The following CUL3 variants were observed in gnomAD, a reference collection of about 807,000 sequenced individuals.
CUL3 encodes cullin-3.
A neutral mutation model predicts 89.1 loss-of-function variants in CUL3; 19 were observed. The observed-to-expected ratio is 0.21, with a 90% CI of 0.15 to 0.31. CUL3 has a LOEUF of 0.31. Ranked by LOEUF, CUL3 falls within the 10% of genes least tolerant of loss-of-function variation. The probability of loss-of-function intolerance (pLI) is 1.00; values close to 1 mark genes in which losing one functional copy is unlikely to be tolerated. For synonymous variants in CUL3, 351 were observed against 308.4 expected (o/e 1.14, Z -1.45); for missense variants, 469 against 942.3 (o/e 0.50, Z 6.58).
At chr2:224,581,016 G>A (rs1310247964) in intron 1 of CUL3, among the ~76,000 whole-genome samples, 1 of 152,200 alleles carries the variant, frequency 6.6e-6, no homozygotes, top group South Asian at 2.1e-4. Flanking sequence ...GTGCAGCACA[G>A]TTAAGAACAG....
At chr2:224,542,130 G>A (rs1294968151) in intron 2 of CUL3, among the ~76,000 whole-genome samples, 2 of 152,062 alleles carry the variant, frequency 1.3e-5, no homozygotes, top group Admixed American at 1.3e-4. Flanking sequence ...GATGCCACAA[G>A]CTTTATTCAT....
chr2:224,557,605 A>G (rs976611235), intron 2 of CUL3, 54 bp downstream of exon 2: 1 of 1,294,342 alleles, frequency 7.7e-7, no homozygotes, highest in Non-Finnish European at 1.1e-6. Context: ...ATATGGTATA[A>G]AGGATTTTCT....
intron 1 of CUL3, among the ~76,000 whole-genome samples, chr2:224,564,371 C>T (rs1694988971): frequency 2.0e-5 from 3 of 152,244 alleles, no homozygotes; most frequent in Admixed American, 1.3e-4. Flanking sequence ...CAACTCAAAA[C>T]TACAGAAGTA....
chr2:224,527,603 C>T (rs1472682540), intron 3 of CUL3, among the ~76,000 whole-genome samples: 1 of 152,130 alleles, frequency 6.6e-6, no homozygotes, highest in Non-Finnish European at 1.5e-5. Flanking sequence ...ATCAAGATTC[C>T]CTCCAGCCAC....
chr2:224,540,283 C>G (rs1694054542), intron 2 of CUL3, among the ~76,000 whole-genome samples: 3 of 151,940 alleles, frequency 2.0e-5, no homozygotes, highest in Admixed American at 1.3e-4. Context: ...GTCCTGAACT[C>G]CTGACCTCAA....
chr2:224,492,647 TGAAAA>T (rs1259903692), intron 13 of CUL3, among the ~76,000 whole-genome samples: 4 of 152,080 alleles, frequency 2.6e-5, no homozygotes, highest in Admixed American at 2.6e-4. Context: ...TCAAAAAACA[TGAAAA>T]GAAAAAACCT....
At chr2:224,478,380 A>G in intron 14 of CUL3, 35 bp from the exon 15 acceptor site, 1 of 1,579,784 alleles carries the variant, frequency 6.3e-7, no homozygotes, top group Non-Finnish European at 8.6e-7. Context: ...TCATAAATCT[A>G]ATTTTAAAAT....
At chr2:224,478,407 C>T (rs2106143973) in intron 14 of CUL3, 62 bp from the exon 15 acceptor site, 1 of 1,521,468 alleles carries the variant, frequency 6.6e-7, no homozygotes. Context: ...TATAAGCAAG[C>T]TTATTATAAT....
chr2:224,471,231 G>T lies in CUL3; in HGVS notation c.*3014C>A, dbSNP rs1156292856. The T allele has an allele frequency of 4.8e-6, 1 of 210,076 alleles. No homozygotes were observed. Among genetic ancestry groups the T allele is most frequent in the East Asian group, 7.2e-5 (1 of 13,814 alleles). The allele number at this position is 210,076 out of a possible 1,614,324, so 13.0% of individuals were successfully genotyped here. On this transcript the variant is annotated 3_prime_UTR_variant, in exon 16 of 16. Coordinates refer to ENST00000264414, the MANE Select transcript of CUL3 (RefSeq NM_003590.5). The stretch of plus-strand genomic sequence containing the variant: ...TGATATGCAACAGCTTTCCTTCCAA[G>T]ATTGACACAATATACCATATACTCT...
chr2:224,585,019 C>A lies in CUL3; in HGVS notation c.-10G>T, dbSNP rs1174165703. 1 of 1,495,562 alleles carries A rather than the reference C, an allele frequency of 6.7e-7. No individual in the cohort carries two copies. The allele number at this position is 1,495,562 out of a possible 1,614,324, so 92.6% of individuals were successfully genotyped here. On this transcript the variant is annotated 5_prime_UTR_variant, in exon 1 of 16. Transcript: ENST00000264414. ...TGCTCAGATTCGACATGGTGCTCGT[C>A]CCCTCCCCGGCGGCGGCTTCAGGTC...
chr2:224,580,780 T>G (rs1238612703), intron 1 of CUL3, among the ~76,000 whole-genome samples: 2 of 152,190 alleles, frequency 1.3e-5, no homozygotes, highest in Non-Finnish European at 2.9e-5. Flanking sequence ...ATCCAGTAAG[T>G]TCAATTACCA....
At chr2:224,514,098 A>G (rs1423257280) in intron 4 of CUL3, among the ~76,000 whole-genome samples, 5 of 152,222 alleles carry the variant, frequency 3.3e-5, no homozygotes, top group African/African-American at 4.8e-5. Context: ...CTGAAAACAG[A>G]TAAGGAGAGA....
At chr2:224,479,153 G>A (rs1691435989) in intron 14 of CUL3, 1 of 152,212 alleles carries the variant, frequency 6.6e-6, no homozygotes, top group African/African-American at 2.4e-5. Context: ...GTTTCTGGAG[G>A]TAGAAACCGT....
chr2:224,559,582 T>A (rs1037032610), intron 1 of CUL3, among the ~76,000 whole-genome samples: 3 of 152,152 alleles, frequency 2.0e-5, no homozygotes, highest in African/African-American at 7.2e-5. Context: ...AAGAGGAGAT[T>A]GTACATGCAC....
intron 1 of CUL3, among the ~76,000 whole-genome samples, chr2:224,575,270 G>A (rs1235425439): frequency 6.6e-6 from 1 of 152,202 alleles, no homozygotes; most frequent in African/African-American, 2.4e-5. Flanking sequence ...AGAAAGGGGA[G>A]AGGAAGCTGA....
At position 224,471,341 on chromosome 2, in the gene CUL3, T is replaced by C. The variant is rs950720096; in HGVS notation, c.*2904A>G. ...TAACACTAGTTACTGAAAATGAGTA[T>C]CTTAAACTGTAAACATTAAAACTGC... On this transcript the variant is annotated 3_prime_UTR_variant, in exon 16 of 16. Transcript: ENST00000264414. 1 of 201,726 alleles carries C rather than the reference T, an allele frequency of 5.0e-6. No homozygotes were observed. The highest frequency in any genetic ancestry group is 2.3e-5 in the African/African-American group (1 of 43,778). 12.5% of individuals were successfully genotyped at this position (201,726 alleles called of 1,614,324 possible).
At chr2:224,557,918 A>C in intron 1 of CUL3, 62 bp from the exon 2 acceptor site, 2 of 961,670 alleles carry the variant, frequency 2.1e-6, no homozygotes, top group Non-Finnish European at 3.1e-6. Context: ...AATGGTTGAA[A>C]GTCTTTCTAT....
chr2:224,559,989 G>A (rs915288896), intron 1 of CUL3, among the ~76,000 whole-genome samples: 2 of 152,082 alleles, frequency 1.3e-5, no homozygotes, highest in Non-Finnish European at 2.9e-5. Context: ...GGGCTGAGGC[G>A]GGAGGATCGC....
At chr2:224,498,534 A>G (rs1692257304) in intron 11 of CUL3, among the ~76,000 whole-genome samples, 1 of 152,164 alleles carries the variant, frequency 6.6e-6, no homozygotes, top group African/African-American at 2.4e-5. Flanking sequence ...TTGGGGAGGG[A>G]AAAAACCCAA....
Sources: gnomAD v4.1 joint callset for allele counts (sites outside exome capture counted in the v4.1 genomes callset) on GRCh38, gnomAD v4.1.1 for gene constraint, MANE v1.5 for transcripts, NCBI Gene and HGNC (gene_info 2026-07-23, HGNC 2026-07-21) for gene names.